The following ZFPM2 variants were observed in gnomAD, a reference collection of about 807,000 sequenced individuals.
ZFPM2 encodes the protein zinc finger protein, FOG family member 2.
Under a neutral mutation model 98.6 loss-of-function variants are expected in ZFPM2, and 20 were observed. The observed-to-expected ratio is 0.20, with a 90% CI of 0.14 to 0.29. The LOEUF (loss-of-function observed/expected upper bound fraction) is 0.29. Ranked by LOEUF, ZFPM2 falls within the 10% of genes least tolerant of loss-of-function variation. The probability of loss-of-function intolerance (pLI) is 1.00; values close to 1 mark genes in which losing one functional copy is unlikely to be tolerated. For synonymous variants in ZFPM2, 518 were observed against 502.7 expected (o/e 1.03, Z -0.41); for missense variants, 1,310 against 1,388.6 (o/e 0.94, Z 0.90).
rs113436740 is a variant in ZFPM2 at position 105,585,535 on chromosome 8, G to T, written c.420+24054G>T. Among the ~76,000 whole-genome samples, 864 of 152,244 alleles carry T rather than the reference G, an allele frequency of 5.7e-3. 9 individuals carry two copies. The highest frequency in any genetic ancestry group is 0.02 in the African/African-American group (812 of 41,534). On this transcript the variant is annotated intron_variant, in intron 4 of 7. Coordinates refer to ENST00000407775, the MANE Select transcript of ZFPM2 (RefSeq NM_012082.4). ...TTTATTCATTATTTAACAAACATTT[G>T]TCATTAGCTAAAGAAGTGCCAGACA... is the stretch of plus-strand genomic sequence containing the variant.
chr8:105,391,482 T>C (rs1811107468), intron 1 of ZFPM2, among the ~76,000 whole-genome samples: 1 of 152,222 alleles, frequency 6.6e-6, no homozygotes, highest in Non-Finnish European at 1.5e-5. Flanking sequence ...CATGAAAGAT[T>C]TCTCTGTAGC....
chr8:105,794,637 C>A (rs1813733659), intron 6 of ZFPM2, among the ~76,000 whole-genome samples: 1 of 152,216 alleles, frequency 6.6e-6, no homozygotes, highest in South Asian at 2.1e-4. Flanking sequence ...TTTAAGTCTG[C>A]AGAGGTTACT....
At chr8:105,597,324 G>T (rs1371646466) in intron 4 of ZFPM2, among the ~76,000 whole-genome samples, 1 of 152,042 alleles carries the variant, frequency 6.6e-6, no homozygotes, top group Non-Finnish European at 1.5e-5. Flanking sequence ...TGAAAGTAAT[G>T]TCCAATGCTG....
chr8:105,668,936 G>A (rs1211338163), intron 5 of ZFPM2, among the ~76,000 whole-genome samples: 1 of 152,076 alleles, frequency 6.6e-6, no homozygotes. Flanking sequence ...GAGTAAATTG[G>A]TAAACTAGTT....
At chr8:105,603,865 T>C (rs184089340) in intron 4 of ZFPM2, among the ~76,000 whole-genome samples, 6 of 152,172 alleles carry the variant, frequency 3.9e-5, no homozygotes, top group African/African-American at 7.2e-5. Flanking sequence ...TCCCATGACA[T>C]GGCCTCTGTT....
intron 1 of ZFPM2, among the ~76,000 whole-genome samples, chr8:105,377,778 T>C (rs1427497299): frequency 1.3e-5 from 2 of 152,018 alleles, no homozygotes; most frequent in Non-Finnish European, 2.9e-5. Flanking sequence ...ATACTCTGTC[T>C]CAAAAGAAAA....
chr8:105,627,091 G>A (rs1254561238), intron 4 of ZFPM2, among the ~76,000 whole-genome samples: 1 of 152,020 alleles, frequency 6.6e-6, no homozygotes, highest in Non-Finnish European at 1.5e-5. Flanking sequence ...CCAGTTTCTT[G>A]GGTTAGTCCT....
intron 3 of ZFPM2, among the ~76,000 whole-genome samples, chr8:105,550,309 T>TA (rs1814821064): frequency 6.6e-6 from 1 of 152,158 alleles, no homozygotes; most frequent in Non-Finnish European, 1.5e-5. Flanking sequence ...GAATCCACTC[T>TA]AATGGCTGCT....
intron 5 of ZFPM2, chr8:105,787,391 TCTTAA>T (rs1250633881): frequency 6.6e-6 from 1 of 152,222 alleles, no homozygotes; most frequent in Non-Finnish European, 1.5e-5. Context: ...GGGTCTGTAG[TCTTAA>T]CTTTATTTTT....
chr8:105,398,705 A>T (rs1586344172), intron 1 of ZFPM2, among the ~76,000 whole-genome samples: 1 of 152,252 alleles, frequency 6.6e-6, no homozygotes, highest in Non-Finnish European at 1.5e-5. Flanking sequence ...CAGAGCTCAG[A>T]TAGTAATTAT....
At chr8:105,493,214 G>GC (rs1208156169) in intron 3 of ZFPM2, among the ~76,000 whole-genome samples, 1 of 152,218 alleles carries the variant, frequency 6.6e-6, no homozygotes, top group East Asian at 1.9e-4. Flanking sequence ...TATTAGCTTG[G>GC]CCTCATATGA....
chr8:105,792,686 G>T (rs1586272574), intron 6 of ZFPM2, among the ~76,000 whole-genome samples: 1 of 152,182 alleles, frequency 6.6e-6, no homozygotes, highest in Non-Finnish European at 1.5e-5. Context: ...ACAGTGGGGT[G>T]TTAAAGTCTC....
At chr8:105,498,971 A>G (rs1813531650) in intron 3 of ZFPM2, among the ~76,000 whole-genome samples, 1 of 152,202 alleles carries the variant, frequency 6.6e-6, no homozygotes, top group African/African-American at 2.4e-5. Context: ...GGCAGTTAGT[A>G]ACAGGATTGG....
intron 5 of ZFPM2, among the ~76,000 whole-genome samples, chr8:105,675,045 C>G (rs1174369999): frequency 6.6e-6 from 1 of 152,140 alleles, no homozygotes; most frequent in Admixed American, 6.6e-5. Flanking sequence ...AGGTCATGAA[C>G]TCAAGTGAGG....
rs760589854 is a variant in ZFPM2, at chr8:105,634,322, A to G, written c.497A>G (p.Glu166Gly). 5 of 1,612,908 alleles carry G rather than the reference A, an allele frequency of 3.1e-6. No homozygotes were observed. Among genetic ancestry groups the G allele is most frequent in the Admixed American group, 3.3e-5 (2 of 59,912 alleles). Residue 166 changes from glutamate to glycine, a missense_variant, in exon 5 of 8, where the codon GAA (glutamate) becomes GGA (glycine). Transcript: ENST00000407775. ...CTGGATGTGACTTGGCAAGGAGTGG[A>G]AGACAACAAAAACAACTGCATTGTG... ...WLLDVTWQGV[E>G]DNKNNCIVYS...
intron 3 of ZFPM2, among the ~76,000 whole-genome samples, chr8:105,489,466 A>ATATATATATATATATATATTTTTT (rs1554610604): frequency 1.7e-5 from 2 of 119,810 alleles, no homozygotes; most frequent in African/African-American, 7.2e-5. Context: ...ATATATATAT[A>ATATATATATATATATATATTTTTT]TTTTTTTTTT....
intron 3 of ZFPM2, among the ~76,000 whole-genome samples, chr8:105,453,463 A>G (rs772642395): frequency 6.6e-6 from 1 of 152,062 alleles, no homozygotes; most frequent in Non-Finnish European, 1.5e-5. Flanking sequence ...ATTTGTTTTT[A>G]TTTTTATTTT....
chr8:105,801,591 C>T lies in ZFPM2; in HGVS notation c.1509C>T (p.Phe503=). The T allele has an allele frequency of 6.2e-7, 1 of 1,613,826 alleles. No individual in the cohort carries two copies. The highest frequency in any genetic ancestry group is 8.5e-7 in the Non-Finnish European group (1 of 1,179,852). The change falls in exon 8 of 8, where the codon TTC becomes TTT. Residue 503 remains phenylalanine, a synonymous_variant. Coordinates refer to ENST00000407775, the MANE Select transcript of ZFPM2 (RefSeq NM_012082.4). The stretch of plus-strand genomic sequence containing the variant: ...GCCCTTTCCTATCTCAGTTTTCTTT[C>T]CCCCAAGATATCACCATGGTCCCTC... ...PVGPFLSQFS[F]PQDITMVPQA... is the part of the protein sequence containing the mutation.
At chr8:105,604,286 T>C (rs1051734364) in intron 4 of ZFPM2, among the ~76,000 whole-genome samples, 2 of 152,022 alleles carry the variant, frequency 1.3e-5, no homozygotes, top group African/African-American at 4.8e-5. Context: ...GCTTTCAAAA[T>C]CCGACCACTT....
Sources: gnomAD v4.1 joint callset for allele counts (sites outside exome capture counted in the v4.1 genomes callset) on GRCh38, gnomAD v4.1.1 for gene constraint, MANE v1.5 for transcripts, NCBI Gene and HGNC (gene_info 2026-07-23, HGNC 2026-07-21) for gene names.